Variants in CCBE1 observed in about 807,000 individuals in gnomAD.
CCBE1 encodes the protein collagen and calcium-binding EGF domain-containing protein 1.
CCBE1 carries 37 observed loss-of-function variants against 50.0 expected under a neutral mutation model. The ratio of observed to expected loss-of-function variants is 0.74; its 90% CI spans 0.57 to 0.97. The LOEUF (loss-of-function observed/expected upper bound fraction) is 0.97. Among genes scored for constraint, CCBE1 ranks in the 50% least tolerant of loss-of-function variants. The pLI is 0.00. For synonymous variants in CCBE1, 234 were observed against 203.7 expected (o/e 1.15, Z -1.27); for missense variants, 538 against 523.8 (o/e 1.03, Z -0.26).
At chr18:59,475,345 C>T (rs531082585) in intron 3 of CCBE1, among the ~76,000 whole-genome samples, 6 of 152,328 alleles carry the variant, frequency 3.9e-5, no homozygotes, top group African/African-American at 1.2e-4. Flanking sequence ...TTACAACTTG[C>T]TACTAATCAA....
At chr18:59,679,182 T>A (rs1476730755) in intron 2 of CCBE1, among the ~76,000 whole-genome samples, 1 of 152,172 alleles carries the variant, frequency 6.6e-6, no homozygotes, top group Non-Finnish European at 1.5e-5. Context: ...GCGTCACAAC[T>A]CACCATTCTA....
intron 2 of CCBE1, among the ~76,000 whole-genome samples, chr18:59,680,903 T>A (rs1235037125): frequency 6.6e-6 from 1 of 152,126 alleles, no homozygotes; most frequent in Non-Finnish European, 1.5e-5. Flanking sequence ...CAGCGGCCTG[T>A]TGATCTCATG....
chr18:59,609,803 C>T (rs1414859737), intron 2 of CCBE1, among the ~76,000 whole-genome samples: 1 of 152,134 alleles, frequency 6.6e-6, no homozygotes, highest in Non-Finnish European at 1.5e-5. Flanking sequence ...TAAAACATAC[C>T]AGAAAACCTA....
At chr18:59,548,971 C>T (rs765288993) in intron 2 of CCBE1, among the ~76,000 whole-genome samples, 9 of 151,900 alleles carry the variant, frequency 5.9e-5, no homozygotes, top group African/African-American at 1.7e-4. Flanking sequence ...GGCATGGTGG[C>T]GCATTCCTGA....
chr18:59,635,320 A>G (rs929215489), intron 2 of CCBE1, among the ~76,000 whole-genome samples: 1 of 151,706 alleles, frequency 6.6e-6, no homozygotes, highest in African/African-American at 2.4e-5. Context: ...AAGAGAAAGT[A>G]AAGTACAAAC....
At chr18:59,691,714 A>G (rs3097397) in intron 2 of CCBE1, among the ~76,000 whole-genome samples, 127,182 of 152,170 alleles carry the variant, frequency 0.84, 53,825 homozygotes, top group Admixed American at 0.92. Context: ...AGAGTTCTTC[A>G]CAACTTTCAT....
chr18:59,627,833 A>G (rs2053806216), intron 2 of CCBE1, among the ~76,000 whole-genome samples: 1 of 152,160 alleles, frequency 6.6e-6, no homozygotes, highest in South Asian at 2.1e-4. Context: ...TTTTTTTAAG[A>G]CACAATTTGT....
At chr18:59,445,377 T>G (rs935496298) in intron 7 of CCBE1, among the ~76,000 whole-genome samples, 4 of 152,152 alleles carry the variant, frequency 2.6e-5, no homozygotes, top group African/African-American at 7.2e-5. Flanking sequence ...TTAGTAAATG[T>G]TTTTTACTAA....
At position 59,477,096 on chromosome 18, in the gene CCBE1, T is replaced by A. The variant is rs77741890; in HGVS notation, c.265+3090A>T. On this transcript the variant is annotated intron_variant, in intron 3 of 10. Transcript: ENST00000439986. Reference sequence around the variant, plus strand: ...AAATTAAGGTGCCACCTGGCTACTTTGGTCTCCTCATGCCTCTGCATCAGC... The same window carrying A: ...AAATTAAGGTGCCACCTGGCTACTTAGGTCTCCTCATGCCTCTGCATCAGC... Among the ~76,000 whole-genome samples the A allele has an allele frequency of 4.0e-3, 616 of 152,372 alleles. 1 individual carries two copies. Among genetic ancestry groups the A allele is most frequent in the Non-Finnish European group, 6.3e-3 (431 of 68,038 alleles).
intron 2 of CCBE1, among the ~76,000 whole-genome samples, chr18:59,653,313 CAAGA>C (rs919310534): frequency 6.6e-6 from 1 of 152,166 alleles, no homozygotes. Flanking sequence ...GTCCTTCCTT[CAAGA>C]AAGGAGACAG....
intron 2 of CCBE1, among the ~76,000 whole-genome samples, chr18:59,655,929 C>T (rs1415320378): frequency 6.6e-6 from 1 of 152,206 alleles, no homozygotes; most frequent in Non-Finnish European, 1.5e-5. Context: ...TTTTCATGAG[C>T]CTGACAGCAA....
chr18:59,671,460 T>C (rs113438540), intron 2 of CCBE1, among the ~76,000 whole-genome samples: 2,185 of 149,530 alleles, frequency 0.015, 36 homozygotes, highest in African/African-American at 0.04. Flanking sequence ...ATTGTACCAT[T>C]GCATTCCAGC....
intron 2 of CCBE1, among the ~76,000 whole-genome samples, chr18:59,581,809 T>C (rs935581173): frequency 5.3e-5 from 8 of 152,196 alleles, no homozygotes; most frequent in African/African-American, 9.7e-5. Flanking sequence ...GCATTTATTA[T>C]AGTTGTGACA....
chr18:59,540,073 TAAAC>T (rs536232665), intron 2 of CCBE1, among the ~76,000 whole-genome samples: 1 of 152,274 alleles, frequency 6.6e-6, no homozygotes, highest in East Asian at 1.9e-4. Flanking sequence ...AGTTCCAAAA[TAAAC>T]CTTTCATTTC....
At chr18:59,639,488 G>A (rs548189018) in intron 2 of CCBE1, among the ~76,000 whole-genome samples, 3 of 152,208 alleles carry the variant, frequency 2.0e-5, no homozygotes, top group South Asian at 4.1e-4. Flanking sequence ...TTGAAGGAAC[G>A]TACTGCAAAA....
At chr18:59,551,954 T>C (rs1420275936) in intron 2 of CCBE1, among the ~76,000 whole-genome samples, 3 of 152,220 alleles carry the variant, frequency 2.0e-5, no homozygotes, top group African/African-American at 4.8e-5. Flanking sequence ...ATTTGCTCAT[T>C]GCACTCCATG....
At chr18:59,615,415 T>G (rs953008825) in intron 2 of CCBE1, among the ~76,000 whole-genome samples, 2 of 152,144 alleles carry the variant, frequency 1.3e-5, no homozygotes, top group African/African-American at 4.8e-5. Context: ...TAGCTTTCTG[T>G]CTACTCAGAT....
In CCBE1 at chr18:59,510,936, C is replaced by T. The variant is rs1598965333; in HGVS notation, c.213-30698G>A. On this transcript the variant is annotated intron_variant, in intron 2 of 10. Coordinates refer to ENST00000439986, the MANE Select transcript of CCBE1 (RefSeq NM_133459.4). ...CCTGAGCTTTATCACAAAACACTGTCCTTTATACCATCAGGAGCATCGGTG... is the reference window on the plus strand; with the variant it reads ...CCTGAGCTTTATCACAAAACACTGTTCTTTATACCATCAGGAGCATCGGTG... Among the ~76,000 whole-genome samples the T allele has an allele frequency of 2.0e-5, 3 of 152,270 alleles. No individual in the cohort carries two copies. The South Asian group carries it at 6.2e-4, about 32-fold the overall frequency.
intron 2 of CCBE1, among the ~76,000 whole-genome samples, chr18:59,641,675 A>C (rs1199885074): frequency 6.6e-6 from 1 of 152,238 alleles, no homozygotes; most frequent in Non-Finnish European, 1.5e-5. Flanking sequence ...CTTTCTACCA[A>C]AGATACATAA....
Sources: gnomAD v4.1 joint callset for allele counts (sites outside exome capture counted in the v4.1 genomes callset) on GRCh38, gnomAD v4.1.1 for gene constraint, MANE v1.5 for transcripts, NCBI Gene and HGNC (gene_info 2026-07-23, HGNC 2026-07-21) for gene names.